GRM7: variants seen among roughly 807,000 people sequenced by gnomAD.
The protein encoded by GRM7 is metabotropic glutamate receptor 7.
Under a neutral mutation model 84.5 loss-of-function variants are expected in GRM7, and 35 were observed. The observed-to-expected ratio is 0.41, with a 90% CI of 0.32 to 0.55. GRM7 has a LOEUF of 0.55. Ranked by LOEUF, GRM7 falls within the 20% of genes least tolerant of loss-of-function variation. The pLI, the probability that GRM7 is intolerant of heterozygous loss-of-function variation, is 0.19. For synonymous variants in GRM7, 487 were observed against 455.1 expected (o/e 1.07, Z -0.89); for missense variants, 1,003 against 1,194.6 (o/e 0.84, Z 2.36).
intron 1 of GRM7, among the ~76,000 whole-genome samples, chr3:7,032,872 A>G (rs367747528): frequency 1.2e-4 from 19 of 152,240 alleles, no homozygotes; most frequent in East Asian, 7.7e-4. Context: ...TAGACTTCTG[A>G]CCTCTTACTC....
rs747134860 is a variant in GRM7 at position 7,225,002 on chromosome 3, A to C, written c.737-73682A>C. Among the ~76,000 whole-genome samples, 11 of 152,282 alleles carry C rather than the reference A, an allele frequency of 7.2e-5. No individual in the cohort carries two copies. The South Asian group carries it at 1.2e-3, about 17-fold the overall frequency. ...TTAATATTTTTTCTTTAGTTTTTAC[A>C]GCTCTAGTTTTATAGCTATTTAATA... On this transcript the variant is annotated intron_variant, in intron 2 of 9. Transcript: ENST00000357716.
chr3:6,999,098 C>T (rs1694924884), intron 1 of GRM7, among the ~76,000 whole-genome samples: 1 of 152,170 alleles, frequency 6.6e-6, no homozygotes, highest in South Asian at 2.1e-4. Flanking sequence ...GCTCTGCTTG[C>T]TCTTGAACAC....
At chr3:7,128,707 C>T (rs575550204) in intron 1 of GRM7, among the ~76,000 whole-genome samples, 8 of 149,836 alleles carry the variant, frequency 5.3e-5, no homozygotes, top group Admixed American at 2.7e-4. Flanking sequence ...GGGGTTTTGC[C>T]ATGTTGGCCA....
intron 7 of GRM7, among the ~76,000 whole-genome samples, chr3:7,525,193 C>T (rs962302350): frequency 1.3e-5 from 2 of 151,714 alleles, no homozygotes; most frequent in Non-Finnish European, 1.5e-5. Flanking sequence ...TGCAGCACAC[C>T]AGCATGGCAC....
At chr3:7,245,915 T>G (rs1272388989) in intron 2 of GRM7, among the ~76,000 whole-genome samples, 1 of 152,120 alleles carries the variant, frequency 6.6e-6, no homozygotes, top group African/African-American at 2.4e-5. Flanking sequence ...AGCATCAAAT[T>G]AATAAAACAT....
intron 4 of GRM7, among the ~76,000 whole-genome samples, chr3:7,318,049 A>G (rs774570247): frequency 6.6e-6 from 1 of 152,096 alleles, no homozygotes; most frequent in Non-Finnish European, 1.5e-5. Context: ...AAATAAATCT[A>G]CAAACCGAGT....
At chr3:7,546,646 C>G (rs1693165757) in intron 7 of GRM7, among the ~76,000 whole-genome samples, 1 of 152,070 alleles carries the variant, frequency 6.6e-6, no homozygotes, top group African/African-American at 2.4e-5. Context: ...TAAATTAACA[C>G]TGACTTTGAA....
intron 1 of GRM7, among the ~76,000 whole-genome samples, chr3:6,961,347 A>G (rs1360542582): frequency 6.6e-6 from 1 of 152,092 alleles, no homozygotes; most frequent in Non-Finnish European, 1.5e-5. Context: ...TTCTTGTCAT[A>G]ATCATTCCCT....
At position 7,480,762 on chromosome 3, in the gene GRM7, G is replaced by A. The variant is rs1699096793; in HGVS notation, c.1515+19040G>A. ...ACTTTGCTGTACATTCAGATCATTGGGATACGTGTTGAAGTGGAAGTTACC... is the reference window on the plus strand; with the variant it reads ...ACTTTGCTGTACATTCAGATCATTGAGATACGTGTTGAAGTGGAAGTTACC... On this transcript the variant is annotated intron_variant, in intron 7 of 9. Transcript: ENST00000357716. 2.0e-5 allele frequency among the ~76,000 whole-genome samples: 3 copies of A among 152,228 alleles called. No individual in the cohort carries two copies. The South Asian group carries it at 6.2e-4, about 32-fold the overall frequency.
intron 4 of GRM7, among the ~76,000 whole-genome samples, chr3:7,341,045 G>A (rs1701617788): frequency 1.3e-5 from 2 of 152,098 alleles, no homozygotes; most frequent in African/African-American, 4.8e-5. Flanking sequence ...GTGAAGAAAG[G>A]CCATACAGAC....
chr3:7,170,409 G>T (rs533589812), intron 2 of GRM7, among the ~76,000 whole-genome samples: 1 of 152,274 alleles, frequency 6.6e-6, no homozygotes, highest in Non-Finnish European at 1.5e-5. Flanking sequence ...ACATAACTCT[G>T]CTGCAGTTCT....
intron 8 of GRM7, among the ~76,000 whole-genome samples, chr3:7,597,631 T>A (rs961619370): frequency 6.6e-6 from 1 of 152,112 alleles, no homozygotes; most frequent in Non-Finnish European, 1.5e-5. Flanking sequence ...TATTAGATAG[T>A]GCACATAAAA....
At chr3:7,383,066 C>T (rs1289868310) in intron 4 of GRM7, among the ~76,000 whole-genome samples, 1 of 152,192 alleles carries the variant, frequency 6.6e-6, no homozygotes, top group East Asian at 1.9e-4. Context: ...ATCCTTACAA[C>T]CCAGATCCAC....
At chr3:7,279,659 TG>T (rs750860516) in intron 2 of GRM7, among the ~76,000 whole-genome samples, 6 of 152,148 alleles carry the variant, frequency 3.9e-5, no homozygotes, top group Non-Finnish European at 5.9e-5. Context: ...AAAGAGTTGG[TG>T]AGGAGCTACC....
intron 1 of GRM7, among the ~76,000 whole-genome samples, chr3:6,899,890 G>GGT (rs1358248812): frequency 6.6e-6 from 1 of 152,110 alleles, no homozygotes; most frequent in African/African-American, 2.4e-5. Context: ...TTTAATTAGA[G>GGT]GTGTGTGTGT....
Position 7,093,676 on chromosome 3 carries a change from C to CAAA in GRM7, c.520-52740_520-52738dup, listed in dbSNP as rs1209938099. Among the ~76,000 whole-genome samples, 60 of 13,954 alleles carry CAAA rather than the reference C, an allele frequency of 4.3e-3. 20 individuals are homozygous for CAAA. The highest frequency in any genetic ancestry group is 0.01 in the African/African-American group (38 of 3,654). The allele number at this position is 13,954 out of a possible 152,430, so 9.2% of individuals were successfully genotyped here. ...TGGGCGATAGAGCAAGACTCTGTCT[C>CAAA]AAAAAAAAAAAAAAAAAAAAAAAAA... On this transcript the variant is annotated intron_variant, in intron 1 of 9. Transcript: ENST00000357716.
At chr3:6,891,369 A>C in intron 1 of GRM7, among the ~76,000 whole-genome samples, 1 of 152,268 alleles carries the variant, frequency 6.6e-6, no homozygotes, top group Non-Finnish European at 1.5e-5. Context: ...AGTGGCTGGT[A>C]CCGGTTGTTG....
In GRM7 at chr3:7,161,194, C is replaced by T. The variant is rs530058728; in HGVS notation, c.736+14526C>T. Among the ~76,000 whole-genome samples the T allele has an allele frequency of 1.2e-3, 187 of 151,970 alleles. 1 individual carries two copies. The highest frequency in any genetic ancestry group is 2.0e-3 in the Non-Finnish European group (138 of 67,960). ...TCTTTACTGTACAGTTCACTTTTCA[C>T]GATCTGAAGGCACCACCAAGATAGA... On this transcript the variant is annotated intron_variant, in intron 2 of 9. Coordinates refer to ENST00000357716, the MANE Select transcript of GRM7 (RefSeq NM_000844.4).
intron 2 of GRM7, among the ~76,000 whole-genome samples, chr3:7,159,352 T>C (rs1296015581): frequency 4.6e-5 from 7 of 152,180 alleles, no homozygotes; most frequent in Non-Finnish European, 7.4e-5. Context: ...TTATTTAGCT[T>C]TTGCAGCATG....
Sources: allele counts gnomAD v4.1 joint callset (sites outside exome capture counted in the v4.1 genomes callset), GRCh38; gene constraint gnomAD v4.1.1; transcripts MANE v1.5; gene names NCBI Gene and HGNC (gene_info 2026-07-23, HGNC 2026-07-21).